The following GALNTL6 variants were observed in gnomAD, a reference collection of about 807,000 sequenced individuals.
GALNTL6 encodes polypeptide N-acetylgalactosaminyltransferase like 6.
Under a neutral mutation model 73.7 loss-of-function variants are expected in GALNTL6, and 46 were observed. The ratio of observed to expected loss-of-function variants is 0.62; its 90% CI spans 0.49 to 0.80. The LOEUF is 0.80. Ranked by LOEUF, GALNTL6 falls within the 30% of genes least tolerant of loss-of-function variation. GALNTL6 has a pLI of 0.00. For missense variants in GALNTL6, 604 were observed against 755.0 expected (o/e 0.80, Z 2.34); for synonymous variants, 259 against 263.7 (o/e 0.98, Z 0.17).
intron 2 of GALNTL6, among the ~76,000 whole-genome samples, chr4:172,195,432 G>A (rs1165476376): frequency 6.6e-6 from 1 of 152,096 alleles, no homozygotes; most frequent in Non-Finnish European, 1.5e-5. Flanking sequence ...GGATCAAATA[G>A]ACCTGATAGA....
At chr4:172,790,661 G>T (rs1052613174) in intron 5 of GALNTL6, among the ~76,000 whole-genome samples, 15 of 150,972 alleles carry the variant, frequency 9.9e-5, no homozygotes, top group Non-Finnish European at 2.2e-4. Context: ...GGAGGCCGAG[G>T]CAGGCGGGAT....
intron 2 of GALNTL6, among the ~76,000 whole-genome samples, chr4:172,152,263 C>G (rs1218583301): frequency 6.6e-6 from 1 of 152,200 alleles, no homozygotes; most frequent in African/African-American, 2.4e-5. Flanking sequence ...GAGGTATGAG[C>G]CACACTGCAC....
intron 5 of GALNTL6, chr4:172,545,838 C>T (rs1350184132): frequency 6.6e-6 from 1 of 151,958 alleles, no homozygotes; most frequent in Non-Finnish European, 1.5e-5. Context: ...ATGCCTGTGG[C>T]CTATATATTG....
chr4:172,402,314 A>G (rs1744071713), intron 5 of GALNTL6, among the ~76,000 whole-genome samples: 3 of 152,020 alleles, frequency 2.0e-5, no homozygotes, highest in Admixed American at 2.0e-4. Flanking sequence ...TCTATGTTCA[A>G]CTGGTAGGCT....
At chr4:172,643,783 T>C (rs1414280494) in intron 5 of GALNTL6, among the ~76,000 whole-genome samples, 1 of 152,020 alleles carries the variant, frequency 6.6e-6, no homozygotes, top group East Asian at 1.9e-4. Context: ...CTCCAGTGTA[T>C]TAATATACCC....
intron 12 of GALNTL6, among the ~76,000 whole-genome samples, chr4:173,028,331 G>A (rs1334329339): frequency 6.6e-6 from 1 of 152,308 alleles, no homozygotes; most frequent in South Asian, 2.1e-4. Flanking sequence ...TCTCTAGAAG[G>A]TGAAGCCTGG....
At chr4:172,926,575 T>G (rs1351283116) in intron 8 of GALNTL6, among the ~76,000 whole-genome samples, 1 of 152,170 alleles carries the variant, frequency 6.6e-6, no homozygotes, top group Non-Finnish European at 1.5e-5. Flanking sequence ...CACCATCTCC[T>G]AGTCCTGCAG....
intron 2 of GALNTL6, among the ~76,000 whole-genome samples, chr4:171,932,623 G>C (rs1738221974): frequency 6.6e-6 from 1 of 152,158 alleles, no homozygotes; most frequent in African/African-American, 2.4e-5. Context: ...CAGAGTTCTT[G>C]GCACAAATTC....
Position 172,440,801 on chromosome 4 carries a change from A to C in GALNTL6, c.553+92112A>C, listed in dbSNP as rs560174392. On this transcript the variant is annotated intron_variant, in intron 5 of 12. Transcript: ENST00000506823. ...GCTTTAAAAATAAATAAAGTCTTAAAAATTGTTATGGATTTCTTTCTTACT... is the reference window on the plus strand; with the variant it reads ...GCTTTAAAAATAAATAAAGTCTTAACAATTGTTATGGATTTCTTTCTTACT... Among the ~76,000 whole-genome samples, 3 of 152,062 alleles carry C rather than the reference A, an allele frequency of 2.0e-5. No individual in the cohort carries two copies. In the South Asian group the frequency reaches 6.2e-4, roughly 32 times the overall value.
At chr4:172,417,953 A>AT (rs1730904827) in intron 5 of GALNTL6, among the ~76,000 whole-genome samples, 1 of 152,116 alleles carries the variant, frequency 6.6e-6, no homozygotes, top group African/African-American at 2.4e-5. Flanking sequence ...AGTCTGTTTC[A>AT]TTTTTGTGCC....
At chr4:171,965,350 A>G (rs1381397907) in intron 2 of GALNTL6, among the ~76,000 whole-genome samples, 2 of 152,134 alleles carry the variant, frequency 1.3e-5, no homozygotes, top group Non-Finnish European at 2.9e-5. Flanking sequence ...AGAAAGACCT[A>G]TTACTCAAAA....
chr4:172,169,478 T>C (rs1167183599), intron 2 of GALNTL6, among the ~76,000 whole-genome samples: 1 of 152,248 alleles, frequency 6.6e-6, no homozygotes, highest in Non-Finnish European at 1.5e-5. Flanking sequence ...CTTTCTTTGA[T>C]ATATTGCAAT....
chr4:171,828,160 A>G (rs1734874174), intron 2 of GALNTL6, among the ~76,000 whole-genome samples: 1 of 152,206 alleles, frequency 6.6e-6, no homozygotes, highest in South Asian at 2.1e-4. Context: ...CATGAAATTA[A>G]CTGTAATACG....
chr4:172,991,084 T>C (rs915081224), intron 10 of GALNTL6, among the ~76,000 whole-genome samples: 1 of 152,166 alleles, frequency 6.6e-6, no homozygotes, highest in Non-Finnish European at 1.5e-5. Flanking sequence ...ACACTTGGTA[T>C]CATAAAATAG....
chr4:172,109,068 T>C (rs983742142), intron 2 of GALNTL6, among the ~76,000 whole-genome samples: 1 of 150,376 alleles, frequency 6.6e-6, no homozygotes, highest in Non-Finnish European at 1.5e-5. Context: ...GAATTTTGGG[T>C]TTTTCTCATA....
At chr4:172,963,827 G>T (rs138473858) in intron 10 of GALNTL6, among the ~76,000 whole-genome samples, 92 of 152,162 alleles carry the variant, frequency 6.0e-4, no homozygotes, top group African/African-American at 2.2e-3. Context: ...AAAATATTCC[G>T]TTCTGACATC....
chr4:172,809,604 C>T lies in GALNTL6; in HGVS notation c.739+58C>T. ...TGCCTCAGGGGAACTGAGCGGTTTG[C>T]TTCTATTTAGTTTGCAATCAGCAAA... On this transcript the variant is annotated intron_variant, in intron 6 of 12. Transcript: ENST00000506823. This position sits in a 1 kb window ranked among gnomAD's most constrained non-coding sequence, Gnocchi z 4.4. The T allele has an allele frequency of 1.4e-6, 2 of 1,414,870 alleles. No individual in the cohort carries two copies. The highest frequency in any genetic ancestry group is 1.9e-6 in the Non-Finnish European group (2 of 1,042,214). 87.6% of individuals were successfully genotyped at this position (1,414,870 alleles called of 1,614,324 possible).
intron 2 of GALNTL6, among the ~76,000 whole-genome samples, chr4:172,138,751 G>A (rs1012489470): frequency 6.7e-6 from 1 of 149,978 alleles, no homozygotes; most frequent in Non-Finnish European, 1.5e-5. Context: ...GGATGGTTTC[G>A]ATCTCCTGAC....
chr4:172,796,427 A>G (rs1324091921), intron 5 of GALNTL6, among the ~76,000 whole-genome samples: 1 of 152,242 alleles, frequency 6.6e-6, no homozygotes, highest in Non-Finnish European at 1.5e-5. Context: ...AAATAAGTTA[A>G]TACATGAATA....
Sources: gnomAD v4.1 joint callset for allele counts (sites outside exome capture counted in the v4.1 genomes callset) on GRCh38, gnomAD v4.1.1 for gene constraint, Gnocchi (gnomAD v3.1) non-coding constraint, MANE v1.5 for transcripts, NCBI Gene and HGNC (gene_info 2026-07-23, HGNC 2026-07-21) for gene names.